Variants in NPAS3 observed in about 807,000 individuals in gnomAD.
The protein encoded by NPAS3 is neuronal PAS domain-containing protein 3.
Under a neutral mutation model 73.1 loss-of-function variants are expected in NPAS3, and 14 were observed. The ratio of observed to expected loss-of-function variants is 0.19; its 90% CI spans 0.13 to 0.30. NPAS3 has a LOEUF of 0.30. NPAS3 is among the 10% of genes least tolerant of loss of function. The probability of loss-of-function intolerance (pLI) is 1.00; values close to 1 mark genes in which losing one functional copy is unlikely to be tolerated. For synonymous variants in NPAS3, 620 were observed against 541.5 expected, an observed-to-expected ratio of 1.14 and a Z score of -2.01; for missense variants, 1,096 against 1,250.0, an observed-to-expected ratio of 0.88 and a Z score of 1.86.
At chr14:33,281,979 A>G (rs1353177453) in intron 3 of NPAS3, among the ~76,000 whole-genome samples, 1 of 152,150 alleles carries the variant, frequency 6.6e-6, no homozygotes, top group East Asian at 1.9e-4. Flanking sequence ...TGGGTACCTC[A>G]GTCTTTTCTG....
intron 6 of NPAS3, among the ~76,000 whole-genome samples, chr14:33,700,810 T>C (rs1038070735): frequency 6.6e-6 from 1 of 152,236 alleles, no homozygotes; most frequent in Non-Finnish European, 1.5e-5. Context: ...AATCCACGTA[T>C]AAATTTGAAC....
intron 5 of NPAS3, among the ~76,000 whole-genome samples, chr14:33,601,477 A>T (rs545255767): frequency 7.2e-5 from 11 of 152,350 alleles, no homozygotes; most frequent in South Asian, 4.1e-4. Context: ...AAACCAAAAG[A>T]GGACATAGGT....
chr14:33,783,107 T>C (rs1434902923), intron 9 of NPAS3, among the ~76,000 whole-genome samples: 1 of 152,208 alleles, frequency 6.6e-6, no homozygotes, highest in Non-Finnish European at 1.5e-5. Context: ...GTAAGTGCCC[T>C]GCCTGCCTAG....
chr14:33,427,936 T>C (rs1298977333), intron 4 of NPAS3, among the ~76,000 whole-genome samples: 1 of 152,104 alleles, frequency 6.6e-6, no homozygotes, highest in Non-Finnish European at 1.5e-5. Context: ...ATACATACAG[T>C]TGCTATGAAT....
chr14:33,687,459 T>A (rs569566042), intron 6 of NPAS3, among the ~76,000 whole-genome samples: 2 of 152,192 alleles, frequency 1.3e-5, no homozygotes, highest in Non-Finnish European at 2.9e-5. Flanking sequence ...ATAAAACTCA[T>A]GTCAACAGAA....
At chr14:32,945,617 T>C (rs983443532) in intron 1 of NPAS3, among the ~76,000 whole-genome samples, 1 of 152,190 alleles carries the variant, frequency 6.6e-6, no homozygotes, top group African/African-American at 2.4e-5. Context: ...TGGAAGGGCC[T>C]GCGTTTTCAG....
At chr14:33,429,994 A>C (rs528723697) in intron 4 of NPAS3, among the ~76,000 whole-genome samples, 1 of 152,222 alleles carries the variant, frequency 6.6e-6, no homozygotes, top group African/African-American at 2.4e-5. Flanking sequence ...CTCAATAGGG[A>C]TGTGACCCCT....
At chr14:33,255,187 G>A (rs1483777619) in intron 3 of NPAS3, among the ~76,000 whole-genome samples, 1 of 152,082 alleles carries the variant, frequency 6.6e-6, no homozygotes, top group African/African-American at 2.4e-5. Flanking sequence ...TTTTGAAATT[G>A]CTTAAGGCTT....
chr14:32,995,399 G>A (rs2038526488), intron 1 of NPAS3, among the ~76,000 whole-genome samples: 1 of 152,164 alleles, frequency 6.6e-6, no homozygotes, highest in Non-Finnish European at 1.5e-5. Flanking sequence ...TGGTAGTCCT[G>A]GCTGAGGCCC....
At chr14:33,172,034 TAA>T (rs767833277) in intron 2 of NPAS3, among the ~76,000 whole-genome samples, 10 of 152,098 alleles carry the variant, frequency 6.6e-5, no homozygotes, top group Non-Finnish European at 1.3e-4. Context: ...ACACAATTAT[TAA>T]GTGTGCCATC....
At chr14:33,707,382 T>C (rs2060686861) in intron 6 of NPAS3, among the ~76,000 whole-genome samples, 1 of 152,086 alleles carries the variant, frequency 6.6e-6, no homozygotes, top group Non-Finnish European at 1.5e-5. Flanking sequence ...TTAATATTTG[T>C]TGAGTGCCAA....
At position 33,298,359 on chromosome 14, in the gene NPAS3, G is replaced by GT. The variant is rs141432535; in HGVS notation, c.386-68820dup. On this transcript the variant is annotated intron_variant, in intron 3 of 11. Coordinates refer to ENST00000356141, the Ensembl canonical transcript of NPAS3. ...GGTTTCCAATAAAACACCCAAATGT[G>GT]TTTTTTTGTTTTGTTTAGTTTTGCT... Among the ~76,000 whole-genome samples, 1,382 of 152,204 alleles carry GT rather than the reference G, an allele frequency of 9.1e-3. 62 individuals carry two copies. In the East Asian group the frequency reaches 0.13, roughly 15 times the overall value.
At chr14:33,253,026 G>C (rs2048645802) in intron 3 of NPAS3, among the ~76,000 whole-genome samples, 1 of 152,042 alleles carries the variant, frequency 6.6e-6, no homozygotes, top group African/African-American at 2.4e-5. Context: ...GTCAACCACT[G>C]ATGGACAGTT....
chr14:33,482,430 G>T (rs998088541), intron 4 of NPAS3, among the ~76,000 whole-genome samples: 12 of 152,048 alleles, frequency 7.9e-5, no homozygotes, highest in Non-Finnish European at 1.3e-4. Flanking sequence ...TAATCTTCTG[G>T]TCACTATAAC....
chr14:33,603,162 A>G (rs1300695554), intron 5 of NPAS3, among the ~76,000 whole-genome samples: 2 of 152,200 alleles, frequency 1.3e-5, no homozygotes, highest in African/African-American at 4.8e-5. Flanking sequence ...GGAGACATGA[A>G]ACATGTGGAA....
chr14:33,784,552 A>G (rs180705816), intron 9 of NPAS3, among the ~76,000 whole-genome samples: 25 of 152,210 alleles, frequency 1.6e-4, no homozygotes, highest in Non-Finnish European at 2.6e-4. Flanking sequence ...TTGCAGGCTT[A>G]GAAGAGCATA....
exon 3 of NPAS3, chr14:33,215,333 A>G (rs777639167): frequency 6.3e-7 from 1 of 1,590,876 alleles, no homozygotes; most frequent in Non-Finnish European, 8.6e-7. Context: ...TCGACTTACA[A>G]TTAGCTATCT....
At chr14:33,312,586 T>C (rs1470632735) in intron 3 of NPAS3, among the ~76,000 whole-genome samples, 1 of 152,150 alleles carries the variant, frequency 6.6e-6, no homozygotes, top group Non-Finnish European at 1.5e-5. Context: ...CTATCATTTG[T>C]AGTTTTAAAT....
chr14:33,360,303 C>T (rs977460857), intron 3 of NPAS3, among the ~76,000 whole-genome samples: 7 of 147,530 alleles, frequency 4.7e-5, no homozygotes, highest in Non-Finnish European at 9.0e-5. Flanking sequence ...ATTCTGAAGT[C>T]GCTTTATAAC....
Sources: gnomAD v4.1 joint callset for allele counts (sites outside exome capture counted in the v4.1 genomes callset) on GRCh38, gnomAD v4.1.1 for gene constraint, MANE v1.5 for transcripts, NCBI Gene and HGNC (gene_info 2026-07-23, HGNC 2026-07-21) for gene names.